The following LTBP1 variants were observed in gnomAD, a reference collection of about 807,000 sequenced individuals.
LTBP1 encodes latent transforming growth factor beta binding protein 1, also known as latent-transforming growth factor beta-binding protein 1.
Under a neutral mutation model 207.6 loss-of-function variants are expected in LTBP1, and 129 were observed. The ratio of observed to expected loss-of-function variants is 0.62; its 90% confidence interval spans 0.54 to 0.72. LTBP1 has a LOEUF of 0.72. Ranked by LOEUF, LTBP1 falls within the 30% of genes least tolerant of loss-of-function variation. The pLI is 0.00. For missense variants in LTBP1, 2,281 were observed against 2,217.2 expected (o/e 1.03, Z -0.58); for synonymous variants, 963 against 833.7 (o/e 1.16, Z -2.67).
At chr2:33,043,105 C>G (rs2076270437) in intron 3 of LTBP1, among the ~76,000 whole-genome samples, 1 of 152,182 alleles carries the variant, frequency 6.6e-6, no homozygotes, top group Non-Finnish European at 1.5e-5. Flanking sequence ...AACCGCTGTT[C>G]TAGAGGGTGA....
intron 9 of LTBP1, among the ~76,000 whole-genome samples, chr2:33,240,400 C>T (rs940409387): frequency 3.3e-5 from 5 of 152,178 alleles, no homozygotes; most frequent in African/African-American, 1.2e-4. Context: ...AGATACAATG[C>T]GTTCAGTTCA....
At chr2:33,256,501 A>G (rs1469566331) in intron 11 of LTBP1, among the ~76,000 whole-genome samples, 1 of 151,736 alleles carries the variant, frequency 6.6e-6, no homozygotes, top group African/African-American at 2.4e-5. Flanking sequence ...ATGGCTCTTC[A>G]TCTAACTTAG....
intron 5 of LTBP1, among the ~76,000 whole-genome samples, chr2:33,178,184 CAAATGTTGCTGCGTTTTTCCT>C (rs2086254403): frequency 2.0e-5 from 3 of 152,190 alleles, no homozygotes; most frequent in African/African-American, 7.2e-5. Flanking sequence ...CTGCAGCCAA[CAAATGTTGCTGCGTTTTTCCT>C]AAGGGGGACA....
chr2:33,206,960 G>GT (rs1056165266), intron 7 of LTBP1, among the ~76,000 whole-genome samples: 3 of 151,998 alleles, frequency 2.0e-5, no homozygotes, highest in African/African-American at 7.2e-5. Context: ...GATTTGTGTT[G>GT]TTTTGCCCCA....
intron 3 of LTBP1, among the ~76,000 whole-genome samples, chr2:33,025,060 T>G (rs2075351881): frequency 6.6e-6 from 1 of 152,134 alleles, no homozygotes; most frequent in South Asian, 2.1e-4. Context: ...AGCCTGAGTG[T>G]CCTCACAATG....
intron 31 of LTBP1, among the ~76,000 whole-genome samples, chr2:33,383,426 A>T (rs1281510284): frequency 6.6e-6 from 1 of 152,012 alleles, no homozygotes; most frequent in Non-Finnish European, 1.5e-5. Flanking sequence ...CATTCTCTTT[A>T]TCTCCTCCCT....
In LTBP1 at chr2:33,264,172, C is replaced by T. The variant is rs566941032; in HGVS notation, c.2617+780C>T. ...TTAGAAGGCTGAGGCAGGAGAATGG[C>T]GTGAACTCAGGAGGCAGAGCTTGCA... On this transcript the variant is annotated intron_variant, in intron 15 of 33. Transcript: ENST00000404816. 2.0e-3 allele frequency among the ~76,000 whole-genome samples: 297 copies of T among 148,068 alleles called. 2 individuals are homozygous for T. Among genetic ancestry groups the T allele is most frequent in the African/African-American group, 6.5e-3 (261 of 40,090 alleles).
intron 5 of LTBP1, among the ~76,000 whole-genome samples, chr2:33,154,684 GATAAATTCTTAGAAACAAA>G (rs1259000293): frequency 6.6e-6 from 1 of 152,126 alleles, no homozygotes; most frequent in Non-Finnish European, 1.5e-5. Flanking sequence ...GAATATCTAG[GATAAATTCTTAGAAACAAA>G]ATTGCTGCAT....
chr2:33,263,344 G>A lies in LTBP1; in HGVS notation c.2569G>A (p.Ala857Thr). The change falls in exon 15 of 34, where the codon GCT (alanine) becomes ACT (threonine). Residue 857 changes from alanine to threonine, a missense_variant. Physicochemically the swap from Ala to Thr is moderately conservative, Grantham distance 58. Around this residue, in one of 3 missense-constraint regions of LTBP1, gnomAD observed 1,671 missense variants for 1,634.8 expected, o/e 1.02. Coordinates refer to ENST00000404816, the MANE Select transcript of LTBP1 (RefSeq NM_206943.4). ...TGTGCCTGTTGAAGTAGCTCCTGAA[G>A]CTTCTACGTCTAGTGCCAGCCAAGT... Reference protein sequence around the residue: ...PPVPVEVAPEASTSSASQVIA... With the variant: ...PPVPVEVAPETSTSSASQVIA... 1.9e-6 allele frequency: 3 copies of A among 1,614,050 alleles called. No individual in the cohort carries two copies. The South Asian group carries it at 3.3e-5, about 18-fold the overall frequency.
At chr2:33,353,186 C>T (rs2094806560) in intron 26 of LTBP1, among the ~76,000 whole-genome samples, 1 of 152,028 alleles carries the variant, frequency 6.6e-6, no homozygotes, top group African/African-American at 2.4e-5. Flanking sequence ...GCCATGTTGA[C>T]CAGCCTGGTC....
In LTBP1 at chr2:33,134,749, G is replaced by A; in HGVS notation, c.1034-44G>A. ...TCCAAGGCAAGTTCATGGATACTAA[G>A]CTGATGTGTTTGTTGTTCTTTTTCT... On this transcript the variant is annotated intron_variant, in intron 4 of 33. Transcript: ENST00000404816. The surrounding 1 kb of genome is among the most constrained non-coding windows in gnomAD (Gnocchi z 4.4). 6.2e-7 allele frequency: 1 copy of A among 1,613,858 alleles called. No homozygotes were observed.
chr2:33,200,911 T>C (rs905600874), intron 7 of LTBP1, among the ~76,000 whole-genome samples: 3 of 152,062 alleles, frequency 2.0e-5, no homozygotes, highest in African/African-American at 7.2e-5. Context: ...GAAATACAAA[T>C]CAAAACCACA....
chr2:33,013,610 C>G (rs1474793925), intron 2 of LTBP1, among the ~76,000 whole-genome samples: 1 of 151,800 alleles, frequency 6.6e-6, no homozygotes, highest in Non-Finnish European at 1.5e-5. Flanking sequence ...TTATACATGG[C>G]AGTGATAAGA....
rs575534400 is a variant in LTBP1, at chr2:33,134,171, T to C, written c.1034-622T>C. On this transcript the variant is annotated intron_variant, in intron 4 of 33. Transcript: ENST00000404816. This position sits in a 1 kb window ranked among gnomAD's most constrained non-coding sequence, Gnocchi z 4.4. ...AAAATATATGTTGCCTAAATTCTTATGGAGAAATAGTGCCCTGGAGTTGTG... is the reference window on the plus strand; with the variant it reads ...AAAATATATGTTGCCTAAATTCTTACGGAGAAATAGTGCCCTGGAGTTGTG... 2.1e-4 allele frequency among the ~76,000 whole-genome samples: 32 copies of C among 152,312 alleles called. No individual in the cohort carries two copies. Among genetic ancestry groups the C allele is most frequent in the Non-Finnish European group, 3.5e-4 (24 of 68,032 alleles).
intron 9 of LTBP1, among the ~76,000 whole-genome samples, chr2:33,243,132 G>A (rs2092392905): frequency 6.6e-6 from 1 of 152,106 alleles, no homozygotes; most frequent in African/African-American, 2.4e-5. Context: ...GCACTCTAAA[G>A]CCTTACCTCC....
At chr2:33,229,752 T>C (rs757228562) in intron 9 of LTBP1, among the ~76,000 whole-genome samples, 2 of 152,222 alleles carry the variant, frequency 1.3e-5, no homozygotes, top group African/African-American at 2.4e-5. Flanking sequence ...CTGAGCATAT[T>C]AGATGGTTCT....
intron 2 of LTBP1, among the ~76,000 whole-genome samples, chr2:33,001,854 C>T (rs1240858811): frequency 7.4e-6 from 1 of 135,104 alleles, no homozygotes; most frequent in African/African-American, 2.6e-5. Flanking sequence ...AATATTTTGT[C>T]TTCCCTGAAA....
intron 2 of LTBP1, among the ~76,000 whole-genome samples, chr2:33,019,375 C>T (rs1456858612): frequency 8.6e-6 from 1 of 116,356 alleles, no homozygotes; most frequent in Admixed American, 1.3e-4. Context: ...TTCCCTCTGT[C>T]ATCCAGGCTG....
In LTBP1 at chr2:32,947,742, C is replaced by A. The variant is rs770946742; in HGVS notation, c.418C>A (p.Arg140Ser). ...PFTKQGRQVV[R>S]SKVPQETQSG... ...CACCAAACAAGGCAGGCAAGTTGTG[C>A]GCTCCAAGGTGCCGCAGGAGACCCA... Residue 140 changes from arginine to serine, a missense_variant, in exon 1 of 34, where the codon CGC becomes AGC. Coordinates refer to ENST00000404816, the MANE Select transcript of LTBP1 (RefSeq NM_206943.4). 2.6e-6 allele frequency: 4 copies of A among 1,536,822 alleles called. No homozygotes were observed. The South Asian group carries it at 4.9e-5, about 19-fold the overall frequency.
Sources: gnomAD v4.1 joint callset for allele counts (sites outside exome capture counted in the v4.1 genomes callset) on GRCh38, gnomAD v4.1.1 for gene constraint, gnomAD v4.1.1 regional missense constraint, Gnocchi (gnomAD v3.1) non-coding constraint, MANE v1.5 for transcripts, NCBI Gene and HGNC (gene_info 2026-07-23, HGNC 2026-07-21) for gene names.